DOCK4: variants seen among roughly 807,000 people sequenced by gnomAD.
The protein encoded by DOCK4 is dedicator of cytokinesis protein 4.
Under a neutral mutation model 268.1 loss-of-function variants are expected in DOCK4, and 97 were observed. That is an observed-to-expected ratio of 0.36 (90% CI 0.31 to 0.43). DOCK4 has a LOEUF of 0.43. Ranked by LOEUF, DOCK4 falls within the 20% of genes least tolerant of loss-of-function variation. The pLI is 1.00. For synonymous variants in DOCK4, 954 were observed against 887.2 expected (o/e 1.08, Z -1.34); for missense variants, 2,145 against 2,455.7 (o/e 0.87, Z 2.67).
chr7:112,093,477 C>A (rs1460972883), intron 1 of DOCK4, among the ~76,000 whole-genome samples: 13 of 151,992 alleles, frequency 8.6e-5, no homozygotes, highest in Admixed American at 8.5e-4. Context: ...ATTAATATAT[C>A]ACCACACTGG....
intron 16 of DOCK4, among the ~76,000 whole-genome samples, chr7:111,881,040 C>T (rs1807341427): frequency 6.6e-6 from 1 of 152,086 alleles, no homozygotes; most frequent in Admixed American, 6.6e-5. Flanking sequence ...TGAGCATCCC[C>T]ACGAGCAGAG....
chr7:112,009,199 C>T (rs1394653297), intron 1 of DOCK4, among the ~76,000 whole-genome samples: 1 of 152,160 alleles, frequency 6.6e-6, no homozygotes, highest in African/African-American at 2.4e-5. Context: ...GGAAAGAAAT[C>T]ATTAAAATGC....
intron 16 of DOCK4, among the ~76,000 whole-genome samples, chr7:111,889,580 A>G (rs1770324158): frequency 6.6e-6 from 1 of 152,180 alleles, no homozygotes; most frequent in South Asian, 2.1e-4. Flanking sequence ...TCTCAAAGGT[A>G]GTGGCCAGTG....
chr7:112,119,857 T>G (rs936910460), intron 1 of DOCK4, among the ~76,000 whole-genome samples: 3 of 151,740 alleles, frequency 2.0e-5, no homozygotes, highest in African/African-American at 7.3e-5. Flanking sequence ...GGCTTTTTTT[T>G]TTTTTTCCGA....
chr7:111,865,993 T>C (rs28722883), intron 22 of DOCK4, among the ~76,000 whole-genome samples: 8,822 of 152,286 alleles, frequency 0.058, 838 homozygotes, highest in African/African-American at 0.2. Flanking sequence ...AGATAACACA[T>C]GAAAGCTTAC....
chr7:111,785,636 C>T (rs539037880), intron 32 of DOCK4, among the ~76,000 whole-genome samples: 8 of 152,326 alleles, frequency 5.3e-5, no homozygotes, highest in African/African-American at 1.9e-4. Context: ...CTTGTTCCCT[C>T]TCTTGGGAAT....
At chr7:112,052,407 T>A (rs151222576) in intron 1 of DOCK4, among the ~76,000 whole-genome samples, 1 of 152,202 alleles carries the variant, frequency 6.6e-6, no homozygotes, top group East Asian at 1.9e-4. Context: ...TAATGTTGCA[T>A]TTGGTAGAAT....
chr7:112,059,621 G>T (rs933344831), intron 1 of DOCK4, among the ~76,000 whole-genome samples: 1 of 152,122 alleles, frequency 6.6e-6, no homozygotes, highest in Admixed American at 6.5e-5. Flanking sequence ...GAGAATTTTA[G>T]ATATCCAACA....
chr7:111,774,016 C>A lies in DOCK4; in HGVS notation c.3679+4260G>T, dbSNP rs1200791420. The stretch of plus-strand genomic sequence containing the variant: ...TGGGTGACAGAGTCAAACCTTGTCT[C>A]AAAAAAAAAGAAAAGAAAAGAAAAG... On this transcript the variant is annotated intron_variant, in intron 36 of 52. Coordinates refer to ENST00000428084, the MANE Select transcript of DOCK4 (RefSeq NM_001363540.2). 3.4e-5 allele frequency among the ~76,000 whole-genome samples: 5 copies of A among 148,148 alleles called. No individual in the cohort carries two copies. The East Asian group carries it at 9.9e-4, about 29-fold the overall frequency.
intron 8 of DOCK4, among the ~76,000 whole-genome samples, chr7:111,975,422 C>T (rs1053578559): frequency 2.6e-5 from 4 of 152,154 alleles, no homozygotes; most frequent in South Asian, 2.1e-4. Context: ...CTAAACTACC[C>T]GTAAACCAGA....
chr7:112,088,329 G>C (rs568308816), intron 1 of DOCK4, among the ~76,000 whole-genome samples: 3 of 152,242 alleles, frequency 2.0e-5, no homozygotes, highest in African/African-American at 7.2e-5. Flanking sequence ...TTTGGCAACT[G>C]AAATATCCCC....
At chr7:112,145,231 G>A (rs1378205488) in intron 1 of DOCK4, among the ~76,000 whole-genome samples, 1 of 152,180 alleles carries the variant, frequency 6.6e-6, no homozygotes, top group African/African-American at 2.4e-5. Context: ...GAACTGGAAT[G>A]AGGATATTTT....
chr7:111,857,130 C>T (rs1482265162), intron 23 of DOCK4, among the ~76,000 whole-genome samples: 1 of 152,168 alleles, frequency 6.6e-6, no homozygotes, highest in Non-Finnish European at 1.5e-5. Context: ...ATAAAAGCTA[C>T]TAGGCACTCA....
At chr7:112,076,947 T>C (rs1461424220) in intron 1 of DOCK4, among the ~76,000 whole-genome samples, 1 of 142,406 alleles carries the variant, frequency 7.0e-6, no homozygotes, top group Non-Finnish European at 1.5e-5. Context: ...ATTTGAACAC[T>C]TTCCTGCAAG....
intron 13 of DOCK4, among the ~76,000 whole-genome samples, chr7:111,908,060 T>A (rs1237967235): frequency 1.3e-5 from 2 of 151,962 alleles, no homozygotes; most frequent in Non-Finnish European, 1.5e-5. Flanking sequence ...GAAAATCAAA[T>A]CTTACTAGTG....
chr7:112,057,594 A>G (rs1805945542), intron 1 of DOCK4, among the ~76,000 whole-genome samples: 1 of 151,856 alleles, frequency 6.6e-6, no homozygotes, highest in Non-Finnish European at 1.5e-5. Context: ...GGAATATAGC[A>G]AGACCTTATC....
chr7:112,062,538 T>C (rs1806516293), intron 1 of DOCK4, among the ~76,000 whole-genome samples: 4 of 152,214 alleles, frequency 2.6e-5, no homozygotes, highest in Admixed American at 2.0e-4. Context: ...CTAATATATC[T>C]TTATCTCTGC....
At chr7:111,771,306 G>A (rs1798108011) in intron 36 of DOCK4, among the ~76,000 whole-genome samples, 1 of 152,224 alleles carries the variant, frequency 6.6e-6, no homozygotes, top group Non-Finnish European at 1.5e-5. Context: ...AGTCCTCATA[G>A]TTGGAGCCCC....
chr7:112,006,802 C>T (rs1562984744), intron 1 of DOCK4, among the ~76,000 whole-genome samples: 1 of 152,298 alleles, frequency 6.6e-6, no homozygotes, highest in East Asian at 1.9e-4. Context: ...TCTCCACCTG[C>T]AACAGCCATC....
Sources: gnomAD v4.1 joint callset for allele counts (sites outside exome capture counted in the v4.1 genomes callset) on GRCh38, gnomAD v4.1.1 for gene constraint, MANE v1.5 for transcripts, NCBI Gene and HGNC (gene_info 2026-07-23, HGNC 2026-07-21) for gene names.